DENND1A: variants seen among roughly 807,000 people sequenced by gnomAD.
DENND1A encodes the protein DENN domain-containing protein 1A.
In DENND1A, 51 loss-of-function variants were observed where a neutral mutation model predicts 113.7. That is an observed-to-expected ratio of 0.45 (90% confidence interval 0.36 to 0.57). The LOEUF is 0.57. Ranked by LOEUF, DENND1A falls within the 20% of genes least tolerant of loss-of-function variation. The pLI is 0.00. For missense variants in DENND1A, 1,258 were observed against 1,395.9 expected, an observed-to-expected ratio of 0.90 and a Z score of 1.57; for synonymous variants, 565 against 570.8, an observed-to-expected ratio of 0.99 and a Z score of 0.14.
At chr9:123,396,150 G>C (rs1243677555) in intron 21 of DENND1A, among the ~76,000 whole-genome samples, 1 of 152,098 alleles carries the variant, frequency 6.6e-6, no homozygotes, top group Non-Finnish European at 1.5e-5. Context: ...CCAGGAGGGA[G>C]GCCACGCGCT....
intron 19 of DENND1A, among the ~76,000 whole-genome samples, chr9:123,438,566 C>T (rs1025172742): frequency 6.6e-6 from 1 of 151,986 alleles, no homozygotes; most frequent in Non-Finnish European, 1.5e-5. Flanking sequence ...ATACTAGGGG[C>T]TTGACCTTAA....
At chr9:123,688,827 G>A (rs760028779) in intron 5 of DENND1A, among the ~76,000 whole-genome samples, 14 of 152,000 alleles carry the variant, frequency 9.2e-5, no homozygotes, top group Non-Finnish European at 1.5e-4. Context: ...AATAACCTTT[G>A]TACAGATGGC....
chr9:123,642,923 G>A (rs550452492), intron 9 of DENND1A, among the ~76,000 whole-genome samples: 1 of 152,326 alleles, frequency 6.6e-6, no homozygotes, highest in African/African-American at 2.4e-5. Flanking sequence ...GGTGGCGTTC[G>A]TCAGGAAAGT....
In DENND1A at chr9:123,449,300, G is replaced by A. The variant is rs139773168; in HGVS notation, c.1356+1393C>T. Among the ~76,000 whole-genome samples, 1,105 of 152,304 alleles carry A rather than the reference G, an allele frequency of 7.3e-3. 8 individuals carry two copies. Among genetic ancestry groups the A allele is most frequent in the South Asian group, 0.017 (80 of 4,816 alleles). ...ACCTGTAATCCCAGCATTTTGGGAGGCCAAGGCAGGCGGATCACGAGGTCA... is the reference window on the plus strand; with the variant it reads ...ACCTGTAATCCCAGCATTTTGGGAGACCAAGGCAGGCGGATCACGAGGTCA... On this transcript the variant is annotated intron_variant, in intron 18 of 23. Transcript: ENST00000394215.
chr9:123,926,495 G>C (rs1376873428), intron 1 of DENND1A, among the ~76,000 whole-genome samples: 2 of 150,704 alleles, frequency 1.3e-5, no homozygotes, highest in Non-Finnish European at 3.0e-5. Context: ...TGAACCCGGG[G>C]GTTGGAGGTT....
chr9:123,837,976 C>G (rs941974072), intron 2 of DENND1A, among the ~76,000 whole-genome samples: 5 of 152,168 alleles, frequency 3.3e-5, no homozygotes, highest in African/African-American at 1.2e-4. Flanking sequence ...AAATACGAAA[C>G]AACTTGTACA....
intron 11 of DENND1A, among the ~76,000 whole-genome samples, chr9:123,596,132 C>T (rs974033503): frequency 1.3e-5 from 2 of 152,322 alleles, no homozygotes; most frequent in Non-Finnish European, 2.9e-5. Flanking sequence ...TAGCTCGCCA[C>T]GTTACTGCCA....
chr9:123,834,007 G>A (rs770591058), intron 2 of DENND1A, among the ~76,000 whole-genome samples: 2 of 152,190 alleles, frequency 1.3e-5, no homozygotes, highest in Admixed American at 6.5e-5. Flanking sequence ...AGGAAGCTGA[G>A]ATCACGCCGC....
chr9:123,634,358 G>C (rs1392406141), intron 9 of DENND1A, among the ~76,000 whole-genome samples: 1 of 152,112 alleles, frequency 6.6e-6, no homozygotes, highest in African/African-American at 2.4e-5. Context: ...GAATTATTTG[G>C]CTCTTTTCCA....
intron 2 of DENND1A, among the ~76,000 whole-genome samples, chr9:123,862,078 C>T (rs1053408917): frequency 2.5e-4 from 38 of 152,276 alleles, no homozygotes; most frequent in East Asian, 1.9e-4. Context: ...CAAGCTCTAA[C>T]GTACTAATTC....
intron 1 of DENND1A, among the ~76,000 whole-genome samples, chr9:123,903,730 G>C (rs1034111080): frequency 6.6e-6 from 1 of 152,234 alleles, no homozygotes; most frequent in East Asian, 1.9e-4. Context: ...TACACCCACG[G>C]TGTCTCGCTG....
At chr9:123,473,551 C>T (rs995601402) in intron 13 of DENND1A, among the ~76,000 whole-genome samples, 2 of 152,196 alleles carry the variant, frequency 1.3e-5, no homozygotes, top group Non-Finnish European at 2.9e-5. Context: ...AATGCCAACT[C>T]CGCTCCTCTC....
intron 21 of DENND1A, among the ~76,000 whole-genome samples, chr9:123,395,376 T>C (rs1448165197): frequency 6.6e-6 from 1 of 152,108 alleles, no homozygotes; most frequent in African/African-American, 2.4e-5. Flanking sequence ...GAGGTATTCT[T>C]GGCACTTCCT....
At chr9:123,865,200 C>T (rs911554516) in intron 2 of DENND1A, among the ~76,000 whole-genome samples, 1 of 152,128 alleles carries the variant, frequency 6.6e-6, no homozygotes, top group African/African-American at 2.4e-5. Context: ...AAAAATGTAG[C>T]AGTGGTCAGC....
At chr9:123,733,851 A>C (rs545721610) in intron 5 of DENND1A, among the ~76,000 whole-genome samples, 4 of 151,988 alleles carry the variant, frequency 2.6e-5, no homozygotes, top group African/African-American at 9.6e-5. Flanking sequence ...ACTTTTTAGC[A>C]GAGACAGGGT....
At chr9:123,671,836 A>G (rs1272858263) in intron 6 of DENND1A, among the ~76,000 whole-genome samples, 1 of 152,206 alleles carries the variant, frequency 6.6e-6, no homozygotes, top group Non-Finnish European at 1.5e-5. Context: ...AAAGTTAGAA[A>G]TGAACTAAGT....
At chr9:123,448,650 C>T (rs1262791165) in intron 18 of DENND1A, among the ~76,000 whole-genome samples, 1 of 152,206 alleles carries the variant, frequency 6.6e-6, no homozygotes, top group Admixed American at 6.5e-5. Flanking sequence ...TAAAGAATGC[C>T]ACCTGCCAGT....
chr9:123,560,323 G>T (rs1460923232), intron 12 of DENND1A, among the ~76,000 whole-genome samples: 1 of 152,178 alleles, frequency 6.6e-6, no homozygotes, highest in African/African-American at 2.4e-5. Flanking sequence ...ACTGTGTACA[G>T]GAAAACAATC....
At chr9:123,855,372 G>A (rs1282755973) in intron 2 of DENND1A, among the ~76,000 whole-genome samples, 3 of 145,902 alleles carry the variant, frequency 2.1e-5, no homozygotes, top group Non-Finnish European at 4.4e-5. Context: ...ATTAGAGAAG[G>A]CCTCCTAAAA....
Sources: allele counts gnomAD v4.1 joint callset (sites outside exome capture counted in the v4.1 genomes callset), GRCh38; gene constraint gnomAD v4.1.1; transcripts MANE v1.5; gene names NCBI Gene and HGNC (gene_info 2026-07-23, HGNC 2026-07-21).